ZFHX3: variants seen among roughly 807,000 people sequenced by gnomAD.
The protein encoded by ZFHX3 is zinc finger homeobox 3, also known as zinc finger homeobox protein 3.
In ZFHX3, 42 loss-of-function variants were observed where a neutral mutation model predicts 279.1. That is an observed-to-expected ratio of 0.15 (90% CI 0.12 to 0.19). ZFHX3 has a LOEUF of 0.19. Among genes scored for constraint, ZFHX3 ranks in the 10% least tolerant of loss-of-function variants. The probability of loss-of-function intolerance (pLI) is 1.00; values close to 1 mark genes in which losing one functional copy is unlikely to be tolerated. For missense variants in ZFHX3, 4,981 were observed against 4,754.0 expected (o/e 1.05, Z -1.40); for synonymous variants, 2,293 against 1,957.8 (o/e 1.17, Z -4.52).
chr16:73,384,420 T>C (rs1332868149), intron 3 of ZFHX3, among the ~76,000 whole-genome samples: 1 of 152,260 alleles, frequency 6.6e-6, no homozygotes, highest in African/African-American at 2.4e-5. Context: ...GGATTTCATG[T>C]TTCTGAGCAG....
rs576783817 is a variant in ZFHX3, at chr16:73,255,757, T to G, written c.-1104+1290A>C. Among the ~76,000 whole-genome samples, 48 of 152,278 alleles carry G rather than the reference T, an allele frequency of 3.2e-4. No individual in the cohort carries two copies. The South Asian group carries it at 4.1e-3, about 13-fold the overall frequency. ...GGGGTCCCTGTGATTCCTTGAGGGTTTAGGCACACAATCTGCAAAGCCTGA... is the reference window on the plus strand; with the variant it reads ...GGGGTCCCTGTGATTCCTTGAGGGTGTAGGCACACAATCTGCAAAGCCTGA... On this transcript the variant is annotated intron_variant, in intron 5 of 17. Coordinates refer to the ZFHX3 transcript ENST00000641206.
At chr16:73,205,948 A>C (rs1466448451) in intron 5 of ZFHX3, among the ~76,000 whole-genome samples, 1 of 152,222 alleles carries the variant, frequency 6.6e-6, no homozygotes, top group African/African-American at 2.4e-5. Context: ...ACAATTTACA[A>C]TTTGGCTGAA....
At position 72,914,360 on chromosome 16, in the gene ZFHX3, C is replaced by G. The variant is rs140540854; in HGVS notation, c.3217-24398G>C. On this transcript the variant is annotated intron_variant, in intron 3 of 9. Coordinates refer to ENST00000268489, the MANE Select transcript of ZFHX3 (RefSeq NM_006885.4). The stretch of plus-strand genomic sequence containing the variant: ...TCTCTACAAACAGGTATGGAAGAAG[C>G]TCAGAACCCACAGACCACGATACTT... Among the ~76,000 whole-genome samples the G allele has an allele frequency of 8.5e-5, 13 of 152,300 alleles. No individual in the cohort carries two copies. In the East Asian group the frequency reaches 2.5e-3, roughly 29 times the overall value.
At chr16:72,827,050 A>G (rs1176480884) in intron 5 of ZFHX3, among the ~76,000 whole-genome samples, 13 of 152,250 alleles carry the variant, frequency 8.5e-5, no homozygotes, top group Admixed American at 8.5e-4. Flanking sequence ...AAGGCAGCAC[A>G]TAGAGTAGGG....
In ZFHX3 at chr16:73,673,337, T is replaced by C. The variant is rs551155381; in HGVS notation, c.-1547+6843A>G. ...ATTATTATGCTGTGTAACCTACATATATATGACATAGTTTGTTTCATATGT... is the reference window on the plus strand; with the variant it reads ...ATTATTATGCTGTGTAACCTACATACATATGACATAGTTTGTTTCATATGT... On this transcript the variant is annotated intron_variant, in intron 2 of 17. Coordinates refer to the ZFHX3 transcript ENST00000641206. 6.6e-5 allele frequency among the ~76,000 whole-genome samples: 10 copies of C among 152,296 alleles called. 1 individual carries two copies. In the East Asian group the frequency reaches 1.7e-3, roughly 27 times the overall value.
Position 72,786,407 on chromosome 16 carries a change from G to C in ZFHX3, c.*757C>G, listed in dbSNP as rs1192151213. ...AGTCCTCAACACTCTTTGTGTGTGT[G>C]GGTTATTATTTTTTTTTTTTTTTGA... On this transcript the variant is annotated 3_prime_UTR_variant, in exon 10 of 10. Coordinates refer to ENST00000268489, the MANE Select transcript of ZFHX3 (RefSeq NM_006885.4). 1 of 148,410 alleles carries C rather than the reference G, an allele frequency of 6.7e-6. No individual in the cohort carries two copies. The highest frequency in any genetic ancestry group is 1.5e-5 in the Non-Finnish European group (1 of 67,278). 9.2% of individuals were successfully genotyped at this position (148,410 alleles called of 1,614,324 possible). A position where few individuals can be genotyped will look rare whatever the true frequency, so the allele number is the denominator to read the frequency against.
At chr16:73,874,425 T>C (rs553456110) in intron 1 of ZFHX3, among the ~76,000 whole-genome samples, 8 of 152,340 alleles carry the variant, frequency 5.3e-5, no homozygotes, top group African/African-American at 1.9e-4. Context: ...ACCCCAAGTC[T>C]GCCTGTCAGC....
At chr16:73,608,218 G>A (rs920947300) in intron 2 of ZFHX3, among the ~76,000 whole-genome samples, 25 of 152,160 alleles carry the variant, frequency 1.6e-4, no homozygotes, top group African/African-American at 5.8e-4. Flanking sequence ...GCACTTCTTT[G>A]TCCACAAACC....
intron 4 of ZFHX3, among the ~76,000 whole-genome samples, chr16:73,297,421 A>T (rs2014942624): frequency 6.6e-6 from 1 of 152,042 alleles, no homozygotes; most frequent in African/African-American, 2.4e-5. Flanking sequence ...TAACCCTGTT[A>T]TCTTACATGG....
At chr16:73,372,602 C>T (rs1479447601) in intron 3 of ZFHX3, among the ~76,000 whole-genome samples, 2 of 152,202 alleles carry the variant, frequency 1.3e-5, no homozygotes, top group East Asian at 1.9e-4. Flanking sequence ...AGAATGACAA[C>T]TTGCTCCTCT....
intron 1 of ZFHX3, among the ~76,000 whole-genome samples, chr16:73,683,725 C>G (rs916386767): frequency 6.6e-6 from 1 of 152,020 alleles, no homozygotes; most frequent in Non-Finnish European, 1.5e-5. Context: ...CCCTTTGCAG[C>G]AAAAGACAGC....
intron 2 of ZFHX3, among the ~76,000 whole-genome samples, chr16:73,615,323 G>T (rs761562054): frequency 6.6e-6 from 1 of 152,068 alleles, no homozygotes; most frequent in Non-Finnish European, 1.5e-5. Context: ...TTGGTCAGGG[G>T]TAAGAAAGGC....
intron 1 of ZFHX3, among the ~76,000 whole-genome samples, chr16:73,878,932 A>AGAT (rs1340224953): frequency 1.2e-4 from 15 of 122,564 alleles, no homozygotes; most frequent in African/African-American, 4.7e-4. Context: ...ACTGTTCAAA[A>AGAT]AAGATAAGAT....
At chr16:73,795,449 T>C (rs1959962490) in intron 1 of ZFHX3, among the ~76,000 whole-genome samples, 1 of 152,186 alleles carries the variant, frequency 6.6e-6, no homozygotes, top group African/African-American at 2.4e-5. Context: ...TGGTTTTCGA[T>C]GAGCCTGGAA....
At chr16:72,843,547 A>G (rs985892055) in intron 4 of ZFHX3, among the ~76,000 whole-genome samples, 1 of 146,678 alleles carries the variant, frequency 6.8e-6, no homozygotes, top group Admixed American at 6.8e-5. Context: ...AAAGCCACAC[A>G]GTGAGGAAAC....
intron 8 of ZFHX3, among the ~76,000 whole-genome samples, chr16:73,079,060 T>C (rs985063652): frequency 3.9e-5 from 6 of 152,148 alleles, no homozygotes; most frequent in African/African-American, 1.4e-4. Context: ...GCCTTAACTA[T>C]TATTTCCTTC....
At chr16:73,866,320 A>G (rs1456726844) in intron 1 of ZFHX3, among the ~76,000 whole-genome samples, 1 of 151,686 alleles carries the variant, frequency 6.6e-6, no homozygotes, top group African/African-American at 2.4e-5. Context: ...TTGGGATTAC[A>G]GGTGCACGCC....
intron 1 of ZFHX3, among the ~76,000 whole-genome samples, chr16:73,800,765 G>A (rs578050849): frequency 2.0e-5 from 3 of 152,180 alleles, no homozygotes; most frequent in Middle Eastern, 3.4e-3. Context: ...CACCTGACCC[G>A]GAGTCAGCCA....
intron 2 of ZFHX3, among the ~76,000 whole-genome samples, chr16:73,598,438 G>C (rs1349440308): frequency 8.9e-6 from 1 of 112,912 alleles, no homozygotes; most frequent in Non-Finnish European, 1.8e-5. Context: ...TTTTTTTTTT[G>C]ACAGGATCTT....
Sources: allele counts gnomAD v4.1 joint callset (sites outside exome capture counted in the v4.1 genomes callset), GRCh38; gene constraint gnomAD v4.1.1; transcripts MANE v1.5; gene names NCBI Gene and HGNC (gene_info 2026-07-23, HGNC 2026-07-21).